Variants in VGLL4 observed in about 807,000 individuals in gnomAD.
VGLL4 encodes vestigial like family member 4, also known as transcription cofactor vestigial-like protein 4.
Under a neutral mutation model 21.0 loss-of-function variants are expected in VGLL4, and 7 were observed. The ratio of observed to expected loss-of-function variants is 0.33; its 90% CI spans 0.19 to 0.63. The LOEUF (loss-of-function observed/expected upper bound fraction) is 0.63, where lower values mean the gene tolerates loss of function less well. VGLL4 is among the 20% of genes least tolerant of loss of function. The pLI is 0.78. For missense variants in VGLL4, 394 were observed against 425.7 expected (o/e 0.93, Z 0.66); for synonymous variants, 222 against 173.2 (o/e 1.28, Z -2.21).
At chr3:11,576,992 T>C (rs1302020050) in intron 2 of VGLL4, among the ~76,000 whole-genome samples, 2 of 152,194 alleles carry the variant, frequency 1.3e-5, no homozygotes, top group Non-Finnish European at 2.9e-5. Flanking sequence ...ATTTTATGAA[T>C]GAGCCAACCG....
intron 1 of VGLL4, among the ~76,000 whole-genome samples, chr3:11,609,526 G>A (rs913587267): frequency 6.6e-5 from 10 of 152,180 alleles, no homozygotes; most frequent in Non-Finnish European, 1.2e-4. Context: ...CTGAAACCTG[G>A]ACAAATAGAA....
At chr3:11,679,463 T>TCA (rs2076340116) in intron 2 of VGLL4, among the ~76,000 whole-genome samples, 3 of 152,012 alleles carry the variant, frequency 2.0e-5, no homozygotes, top group Admixed American at 1.3e-4. Context: ...GGCGGGCGGA[T>TCA]CATGAGGTCA....
At chr3:11,606,323 A>G (rs1224087367) in intron 1 of VGLL4, among the ~76,000 whole-genome samples, 3 of 152,218 alleles carry the variant, frequency 2.0e-5, no homozygotes, top group Non-Finnish European at 2.9e-5. Flanking sequence ...CTGCCAAACC[A>G]TATCAGATGT....
chr3:11,709,456 A>AAC (rs2076809493), intron 1 of VGLL4, among the ~76,000 whole-genome samples: 1 of 151,650 alleles, frequency 6.6e-6, no homozygotes, highest in African/African-American at 2.4e-5. Flanking sequence ...AAAAAAAAAA[A>AAC]AAAACAGATA....
At chr3:11,678,003 C>T (rs1038314037) in intron 2 of VGLL4, among the ~76,000 whole-genome samples, 11 of 151,776 alleles carry the variant, frequency 7.2e-5, no homozygotes, top group African/African-American at 2.7e-4. Context: ...CTAGCTTCAA[C>T]GGACGCCATC....
chr3:11,567,691 G>A (rs961042157), intron 2 of VGLL4, among the ~76,000 whole-genome samples: 28 of 152,190 alleles, frequency 1.8e-4, no homozygotes, highest in African/African-American at 6.8e-4. Context: ...GACCTTCCGC[G>A]GAACGGACGT....
chr3:11,668,048 T>C (rs2076153624), intron 2 of VGLL4, among the ~76,000 whole-genome samples: 1 of 151,582 alleles, frequency 6.6e-6, no homozygotes, highest in African/African-American at 2.4e-5. Flanking sequence ...AGAGACCGGG[T>C]TTCACCATGT....
rs1290642666 is a variant in VGLL4, at chr3:11,568,989, C to T, written c.273-3970G>A. 34 of 1,112,058 alleles carry T rather than the reference C, an allele frequency of 3.1e-5. No individual in the cohort carries two copies. Among genetic ancestry groups the T allele is most frequent in the Non-Finnish European group, 3.8e-5 (34 of 896,664 alleles). The allele number at this position is 1,112,058 out of a possible 1,614,324, so 68.9% of individuals were successfully genotyped here. On this transcript the variant is annotated intron_variant, in intron 2 of 4. Coordinates refer to ENST00000430365, the MANE Select transcript of VGLL4 (RefSeq NM_001128219.3). This position sits in a 1 kb window ranked among gnomAD's most constrained non-coding sequence, Gnocchi z 5.9. ...GAGGGAGGGAAAGAGAGGCCTACAACACCATCATCCAGGACAGAGCTTTCT... is the reference window on the plus strand; with the variant it reads ...GAGGGAGGGAAAGAGAGGCCTACAATACCATCATCCAGGACAGAGCTTTCT...
chr3:11,627,253 C>CCCTCTCTCTCTCTCTT (rs1488750572), intron 1 of VGLL4: 5 of 150,836 alleles, frequency 3.3e-5, no homozygotes, highest in African/African-American at 7.4e-5. Context: ...CTCTCTCTGT[C>CCCTCTCTCTCTCTCTT]GGTTTTTAAA....
chr3:11,643,735 G>C lies in VGLL4; in HGVS notation c.-217C>G. On this transcript the variant is annotated 5_prime_UTR_variant, in exon 1 of 5. Transcript: ENST00000430365. Reference sequence around the variant, plus strand: ...GAAACCCTTCAAGGGCTTACTGGTAGACGGTGTATGTACTGTATCCCCGAT... The same window carrying C: ...GAAACCCTTCAAGGGCTTACTGGTACACGGTGTATGTACTGTATCCCCGAT... 2 of 1,391,376 alleles carry C rather than the reference G, an allele frequency of 1.4e-6. No individual in the cohort carries two copies. The highest frequency in any genetic ancestry group is 9.3e-7 in the Non-Finnish European group (1 of 1,075,016). The allele number at this position is 1,391,376 out of a possible 1,614,324, so 86.2% of individuals were successfully genotyped here. A position where few individuals can be genotyped will look rare whatever the true frequency, so the allele number is the denominator to read the frequency against.
chr3:11,600,288 G>A (rs1280683294), intron 2 of VGLL4, among the ~76,000 whole-genome samples: 1 of 151,686 alleles, frequency 6.6e-6, no homozygotes, highest in Non-Finnish European at 1.5e-5. Flanking sequence ...CCTCACAGCT[G>A]TTGTGTGGCA....
At position 11,602,020 on chromosome 3, in the gene VGLL4, C is replaced by T. The variant is rs748118489; in HGVS notation, c.85G>A (p.Glu29Lys). Residue 29 changes from glutamate to lysine, a missense_variant and splice_region_variant, in exon 2 of 5, where the codon GAA (glutamate) becomes AAA (lysine). Glu to Lys is a moderately conservative substitution (Grantham distance 56). Coordinates refer to ENST00000430365, the MANE Select transcript of VGLL4 (RefSeq NM_001128219.3). ...CTGGGTTCTCCCCTGAGAGCAGCTT[C>T]GCCTACGCAGAGAGAGATGATGTAG... ...NNIGILCYEG[E>K]AALRGEPRIQ... The T allele has an allele frequency of 3.8e-6, 6 of 1,558,596 alleles. No homozygotes were observed. The highest frequency in any genetic ancestry group is 3.6e-5 in the South Asian group (3 of 83,084).
At chr3:11,650,627 T>C (rs2075856741) in intron 2 of VGLL4, among the ~76,000 whole-genome samples, 1 of 152,202 alleles carries the variant, frequency 6.6e-6, no homozygotes, top group Non-Finnish European at 1.5e-5. Flanking sequence ...GGTTCCGCTG[T>C]GCTCTTCCTC....
chr3:11,595,852 GGGA>G (rs1559887737), intron 2 of VGLL4, among the ~76,000 whole-genome samples: 455 of 2,884 alleles, frequency 0.16, 4 homozygotes, highest in Middle Eastern at 0.3. Flanking sequence ...GGGGGGGGCG[GGGA>G]ATAGCATTAG....
chr3:11,659,788 T>G (rs1450490934), intron 2 of VGLL4, among the ~76,000 whole-genome samples: 1 of 152,252 alleles, frequency 6.6e-6, no homozygotes, highest in African/African-American at 2.4e-5. Context: ...CTATAACCCA[T>G]TGATTATTGC....
intron 2 of VGLL4, among the ~76,000 whole-genome samples, chr3:11,652,289 C>G (rs2075883881): frequency 6.6e-6 from 1 of 152,180 alleles, no homozygotes; most frequent in South Asian, 2.1e-4. Context: ...TTAATTCTTA[C>G]TAAACTCTGC....
chr3:11,579,598 G>A (rs1484102482), intron 2 of VGLL4, among the ~76,000 whole-genome samples: 6 of 152,080 alleles, frequency 3.9e-5, no homozygotes, highest in Non-Finnish European at 8.8e-5. Flanking sequence ...AAGAACGTGG[G>A]GGGAGTTCAA....
In VGLL4 at chr3:11,556,467, C is replaced by T. The variant is rs774018935; in HGVS notation, c.*2089G>A. The T allele has an allele frequency of 7.9e-5, 12 of 152,704 alleles. No individual in the cohort carries two copies. The highest frequency in any genetic ancestry group is 2.7e-4 in the African/African-American group (11 of 41,418). The allele number at this position is 152,704 out of a possible 1,614,324, so 9.5% of individuals were successfully genotyped here. On this transcript the variant is annotated 3_prime_UTR_variant, in exon 5 of 5. Coordinates refer to ENST00000430365, the MANE Select transcript of VGLL4 (RefSeq NM_001128219.3). ...GTCCCAGGAGTGTCCTCCACCGAGC[C>T]GGTCAGCTGTGGGTGGTTTTCCTGT...
At chr3:11,635,345 A>T (rs2075565670) in intron 1 of VGLL4, among the ~76,000 whole-genome samples, 1 of 152,212 alleles carries the variant, frequency 6.6e-6, no homozygotes, top group African/African-American at 2.4e-5. Context: ...GGAGAGGAAG[A>T]GGAGGGTATC....
Sources: gnomAD v4.1 joint callset for allele counts (sites outside exome capture counted in the v4.1 genomes callset) on GRCh38, gnomAD v4.1.1 for gene constraint, Gnocchi (gnomAD v3.1) non-coding constraint, MANE v1.5 for transcripts, NCBI Gene and HGNC (gene_info 2026-07-23, HGNC 2026-07-21) for gene names.